Variants in AKR1A1 observed in about 807,000 individuals in gnomAD.
AKR1A1 encodes HEL-S-165mP.
Under a neutral mutation model 39.2 loss-of-function variants are expected in AKR1A1, and 26 were observed. The observed-to-expected ratio is 0.66, with a 90% confidence interval of 0.49 to 0.92. AKR1A1 has a LOEUF of 0.92. AKR1A1 is among the 40% of genes least tolerant of loss of function. The probability of loss-of-function intolerance (pLI) is 0.00; values close to 1 mark genes in which losing one functional copy is unlikely to be tolerated. For missense variants in AKR1A1, 378 were observed against 406.5 expected (o/e 0.93, Z 0.60); for synonymous variants, 141 against 155.5 (o/e 0.91, Z 0.69).
In AKR1A1 at chr1:45,568,601, T is replaced by C; in HGVS notation, c.669T>C (p.Pro223=). 3 of 1,614,008 alleles carry C rather than the reference T, an allele frequency of 1.9e-6. No homozygotes were observed. The highest frequency in any genetic ancestry group is 2.5e-6 in the Non-Finnish European group (3 of 1,179,968). Residue 223 remains proline (P), a synonymous_variant, in exon 6 of 9, where the codon CCT becomes CCC. Coordinates refer to ENST00000351829, the MANE Select transcript of AKR1A1 (RefSeq NM_153326.3). ...CCTCTGATCGTGCATGGCGTGATCC[T>C]GATGAGCCTGTCCTGCTGGAGGAAC... The part of the protein sequence containing the change: ...LGSSDRAWRD[P]DEPVLLEEPV...
Position 45,568,911 on chromosome 1 carries a change from T to C in AKR1A1, c.753-16T>C, listed in dbSNP as rs369030279. 9 of 1,613,836 alleles carry C rather than the reference T, an allele frequency of 5.6e-6. No homozygotes were observed. The highest frequency in any genetic ancestry group is 7.6e-6 in the Non-Finnish European group (9 of 1,179,804). The stretch of plus-strand genomic sequence containing the variant: ...TACTGACCCCTTTTCCTCATCTGTC[T>C]AATCCCCCAACTTAGGTGGCAGGTC... On this transcript the variant is annotated splice_polypyrimidine_tract_variant and intron_variant, in intron 6 of 8. Coordinates refer to ENST00000351829, the MANE Select transcript of AKR1A1 (RefSeq NM_153326.3).
chr1:45,554,797 C>T (rs1252477782), intron 1 of AKR1A1, among the ~76,000 whole-genome samples: 2 of 152,058 alleles, frequency 1.3e-5, no homozygotes, highest in Admixed American at 6.6e-5. Flanking sequence ...CTCAAGGGAT[C>T]CTCCTGCCTC....
At chr1:45,567,262 C>T (rs1284372794) in intron 4 of AKR1A1, 7 of 481,734 alleles carry the variant, frequency 1.5e-5, no homozygotes, top group African/African-American at 1.4e-4. Flanking sequence ...GCACCTGTAA[C>T]CCTCCTGCTC....
chr1:45,566,914 A>G lies in AKR1A1; in HGVS notation c.250A>G (p.Thr84Ala). The G allele has an allele frequency of 1.2e-6, 2 of 1,614,132 alleles. No individual in the cohort carries two copies. The highest frequency in any genetic ancestry group is 1.7e-6 in the Non-Finnish European group (2 of 1,180,000). Residue 84 changes from threonine (T) to alanine (A), a missense_variant, in exon 4 of 9, where the codon ACC becomes GCC. Physicochemically the swap from Thr to Ala is moderately conservative, Grantham distance 58. Transcript: ENST00000351829. ...ELFVTSKLWN[T>A]KHHPEDVEPA... ...GTTTGTGACATCCAAGCTGTGGAAC[A>G]CCAAGCACCACCCCGAGGATGTGGA...
chr1:45,569,312 G>A, intron 8 of AKR1A1, 83 bp downstream of exon 8: 1 of 1,154,324 alleles, frequency 8.7e-7, no homozygotes, highest in Non-Finnish European at 1.3e-6. Context: ...AAGGCTTGCT[G>A]GTTGTGAGAA....
At chr1:45,558,693 C>A (rs1394782356) in intron 1 of AKR1A1, among the ~76,000 whole-genome samples, 1 of 152,062 alleles carries the variant, frequency 6.6e-6, no homozygotes, top group South Asian at 2.1e-4. Context: ...CCACCAAACC[C>A]GGCCTAATTT....
chr1:45,561,635 C>G (rs1232920890), intron 1 of AKR1A1, among the ~76,000 whole-genome samples, 154 bp from the exon 2 acceptor site: 1 of 152,054 alleles, frequency 6.6e-6, no homozygotes, highest in Non-Finnish European at 1.5e-5. Context: ...AACTCTTGAC[C>G]TCAGGTGATC....
chr1:45,551,593 A>G (rs1039000027), intron 1 of AKR1A1, among the ~76,000 whole-genome samples: 3 of 152,136 alleles, frequency 2.0e-5, no homozygotes, highest in African/African-American at 7.2e-5. Context: ...AGAAAGTCTG[A>G]CATGTTATTC....
At chr1:45,551,692 G>T (rs1463675861) in intron 1 of AKR1A1, among the ~76,000 whole-genome samples, 2 of 152,150 alleles carry the variant, frequency 1.3e-5, no homozygotes, top group Non-Finnish European at 2.9e-5. Flanking sequence ...CCTTCAGATC[G>T]TTCATACTCA....
intron 1 of AKR1A1, among the ~76,000 whole-genome samples, chr1:45,557,537 C>T (rs1387669275): frequency 1.3e-5 from 2 of 152,178 alleles, no homozygotes; most frequent in African/African-American, 4.8e-5. Flanking sequence ...TTCCTTTTCC[C>T]CTTAAGCCAG....
intron 2 of AKR1A1, among the ~76,000 whole-genome samples, chr1:45,565,803 G>A (rs1644335161): frequency 1.3e-5 from 2 of 150,860 alleles, no homozygotes; most frequent in South Asian, 4.2e-4. Flanking sequence ...TTAAAGAGGT[G>A]GGGGTCTCAC....
At chr1:45,567,204 A>C in intron 4 of AKR1A1, 184 bp downstream of exon 4, 1 of 791,320 alleles carries the variant, frequency 1.3e-6, no homozygotes, top group Non-Finnish European at 1.9e-6. Context: ...CAGGAGTTTA[A>C]CTCTGGAAAA....
Position 45,554,813 on chromosome 1 carries a change from C to T in AKR1A1, c.-7+3658C>T, listed in dbSNP as rs150835651. On this transcript the variant is annotated intron_variant, in intron 1 of 8. Coordinates refer to ENST00000351829, the MANE Select transcript of AKR1A1 (RefSeq NM_153326.3). ...TCAAGGGATCCTCCTGCCTCAGCCC[C>T]CTGAGTAGCTAGGACCATAGAGACA... Among the ~76,000 whole-genome samples the T allele has an allele frequency of 1.8e-3, 268 of 152,202 alleles. 3 individuals are homozygous for T. The highest frequency in any genetic ancestry group is 5.7e-3 in the African/African-American group (235 of 41,548).
chr1:45,558,386 G>C (rs569629069), intron 1 of AKR1A1, among the ~76,000 whole-genome samples: 1 of 146,856 alleles, frequency 6.8e-6, no homozygotes, highest in African/African-American at 2.5e-5. Context: ...GTGCCACCAC[G>C]CCCAGCTAAT....
In AKR1A1 at chr1:45,568,569, T is replaced by G; in HGVS notation, c.637T>G (p.Leu213Val). The G allele has an allele frequency of 6.2e-7, 1 of 1,613,970 alleles. No individual in the cohort carries two copies. The highest frequency in any genetic ancestry group is 8.5e-7 in the Non-Finnish European group (1 of 1,179,964). Residue 213 changes from leucine (L) to valine (V), a missense_variant, in exon 6 of 9, where the codon TTG (leucine) becomes GTG (valine). Coordinates refer to ENST00000351829, the MANE Select transcript of AKR1A1 (RefSeq NM_153326.3). ...RGLEVTAYSP[L>V]GSSDRAWRDP... ...CCTGGAGGTAACTGCTTATAGCCCT[T>G]TGGGCTCCTCTGATCGTGCATGGCG... is the stretch of plus-strand genomic sequence containing the variant.
At chr1:45,563,385 GCAAGACTCCGT>G in intron 2 of AKR1A1, among the ~76,000 whole-genome samples, 1 of 151,554 alleles carries the variant, frequency 6.6e-6, no homozygotes, top group Non-Finnish European at 1.5e-5. Flanking sequence ...AGGCAACAGA[GCAAGACTCCGT>G]CTAGGGGGAA....
chr1:45,567,058 G>T (rs1423830995), intron 4 of AKR1A1, 38 bp downstream of exon 4: 7 of 1,606,620 alleles, frequency 4.4e-6, no homozygotes, highest in Non-Finnish European at 6.0e-6. Flanking sequence ...GAATCAGGGG[G>T]TTGAGCAGGA....
intron 1 of AKR1A1, among the ~76,000 whole-genome samples, chr1:45,554,985 C>G (rs561582217): frequency 6.6e-6 from 1 of 152,136 alleles, no homozygotes; most frequent in African/African-American, 2.4e-5. Flanking sequence ...AGCCACCACA[C>G]GCAACCAGAT....
chr1:45,566,814 G>A, intron 3 of AKR1A1, 55 bp from the exon 4 acceptor site: 1 of 1,600,184 alleles, frequency 6.2e-7, no homozygotes, highest in Non-Finnish European at 8.5e-7. Context: ...GTTGAGGGTG[G>A]GTGAGACCAC....
Sources: gnomAD v4.1 joint callset for allele counts (sites outside exome capture counted in the v4.1 genomes callset) on GRCh38, gnomAD v4.1.1 for gene constraint, MANE v1.5 for transcripts, NCBI Gene and HGNC (gene_info 2026-07-23, HGNC 2026-07-21) for gene names.